FSD1L: variants seen among roughly 807,000 people sequenced by gnomAD.
FSD1L encodes FSD1-like protein.
FSD1L carries 45 observed loss-of-function variants against 71.6 expected under a neutral mutation model. The ratio of observed to expected loss-of-function variants is 0.63; its 90% confidence interval spans 0.49 to 0.81. The LOEUF is 0.81. Among genes scored for constraint, FSD1L ranks in the 30% least tolerant of loss-of-function variants. FSD1L has a pLI of 0.00. For missense variants in FSD1L, 561 were observed against 618.1 expected (o/e 0.91, Z 0.98); for synonymous variants, 197 against 207.2 (o/e 0.95, Z 0.42).
upstream of FSD1L, chr9:105,447,834 T>C (rs1420289355): frequency 3.1e-6 from 1 of 321,336 alleles, no homozygotes; most frequent in Non-Finnish European, 5.7e-6. Context: ...GGCTGCTGGA[T>C]GCCCAGTGGC....
Position 105,479,360 on chromosome 9 carries a change from A to G in FSD1L, c.448A>G (p.Arg150Gly). The G allele has an allele frequency of 6.4e-7, 1 of 1,550,732 alleles. No homozygotes were observed. Among genetic ancestry groups the G allele is most frequent in the Non-Finnish European group, 8.7e-7 (1 of 1,146,328 alleles). Residue 150 changes from arginine to glycine, a missense_variant, in exon 6 of 14, where the codon AGA becomes GGA. Around this residue, in one of 3 missense-constraint regions of FSD1L, gnomAD observed 410 missense variants for 413.5 expected, o/e 0.99. Transcript: ENST00000481272. ...KEPEEFSKAA[R>G]QIKDRVTMAS... ...CTCCCTGATTGGCTCCAAGGCTGCC[A>G]GACAGATCAAGGATAGGTATGGTAT...
intron 10 of FSD1L, among the ~76,000 whole-genome samples, chr9:105,527,743 G>A (rs1029579583): frequency 6.6e-6 from 1 of 151,622 alleles, no homozygotes; most frequent in Non-Finnish European, 1.5e-5. Context: ...ACAAGACAAG[G>A]ATGCCCTCTC....
chr9:105,468,089 CA>C, intron 3 of FSD1L, 103 bp from the exon 4 acceptor site: 1 of 766,168 alleles, frequency 1.3e-6, no homozygotes, highest in Non-Finnish European at 1.9e-6. Context: ...ATTAGGCCAA[CA>C]TAGTTTGTAA....
chr9:105,504,229 T>C (rs1262895811), intron 7 of FSD1L, among the ~76,000 whole-genome samples: 1 of 152,254 alleles, frequency 6.6e-6, no homozygotes, highest in Non-Finnish European at 1.5e-5. Context: ...ACAATTCTTA[T>C]GTTTCAGTAG....
chr9:105,460,987 A>G (rs575610317), intron 1 of FSD1L, among the ~76,000 whole-genome samples: 1 of 152,368 alleles, frequency 6.6e-6, no homozygotes, highest in South Asian at 2.1e-4. Context: ...AAACTGAGAA[A>G]TGAGTGAAAT....
At chr9:105,545,936 G>A (rs1836971162) in intron 13 of FSD1L, among the ~76,000 whole-genome samples, 1 of 151,992 alleles carries the variant, frequency 6.6e-6, no homozygotes, top group South Asian at 2.1e-4. Flanking sequence ...GTTAACTGAG[G>A]GGTGTTAGAT....
At chr9:105,523,989 AACTTAT>A in intron 10 of FSD1L, 1 of 1,597,860 alleles carries the variant, frequency 6.3e-7, no homozygotes, top group Non-Finnish European at 8.6e-7. Context: ...TTGCTTTCCC[AACTTAT>A]ATTGTGAACT....
rs78181986 is a variant in FSD1L at position 105,477,299 on chromosome 9, A to G, written c.442-2055A>G. ...CAAAAAAAAACTGATAAGAGGCCAA[A>G]TAATGATAAAAGCATATTGGAAAAG... On this transcript the variant is annotated intron_variant, in intron 5 of 13. Transcript: ENST00000481272. 9.1e-3 allele frequency among the ~76,000 whole-genome samples: 1,379 copies of G among 152,348 alleles called. 22 individuals carry two copies. The highest frequency in any genetic ancestry group is 0.032 in the African/African-American group (1,322 of 41,568).
At chr9:105,537,958 C>A (rs145336064) in intron 12 of FSD1L, among the ~76,000 whole-genome samples, 5 of 152,266 alleles carry the variant, frequency 3.3e-5, no homozygotes, top group African/African-American at 1.2e-4. Flanking sequence ...AAATACAGAT[C>A]AGCTGAGGAC....
chr9:105,478,729 A>G (rs1831977607), intron 5 of FSD1L, among the ~76,000 whole-genome samples: 1 of 152,152 alleles, frequency 6.6e-6, no homozygotes, highest in East Asian at 1.9e-4. Context: ...GTATGAAATC[A>G]TCATGGAGAA....
intron 10 of FSD1L, chr9:105,525,285 T>C: frequency 1.9e-6 from 3 of 1,607,932 alleles, no homozygotes; most frequent in South Asian, 1.1e-5. Context: ...ATGAAGAAGA[T>C]GCTCTTGATG....
chr9:105,546,661 A>T lies in FSD1L; in HGVS notation c.*178A>T, dbSNP rs1837025446. 2.2e-6 allele frequency: 1 copy of T among 447,414 alleles called. No homozygotes were observed. The highest frequency in any genetic ancestry group is 3.7e-5 in the East Asian group (1 of 26,798). The allele number at this position is 447,414 out of a possible 1,614,324, so 27.7% of individuals were successfully genotyped here. On this transcript the variant is annotated 3_prime_UTR_variant, in exon 14 of 14. Transcript: ENST00000481272. ...CATTTGCAGGAACCTACTGTGCAGT[A>T]TCATAGAAGCAAGCAGATACCAAGC...
chr9:105,535,006 G>A, intron 11 of FSD1L, 61 bp from the exon 12 acceptor site: 1 of 1,524,914 alleles, frequency 6.6e-7, no homozygotes, highest in South Asian at 1.2e-5. Flanking sequence ...CGAGTGGTAG[G>A]TAAAACTGTG....
rs1426655786 is a variant in FSD1L at position 105,452,668 on chromosome 9, TG to T, written c.15+4434del. Among the ~76,000 whole-genome samples the T allele has an allele frequency of 3.8e-3, 470 of 123,490 alleles. 3 individuals carry two copies. The highest frequency in any genetic ancestry group is 7.1e-3 in the Admixed American group (83 of 11,648). 81.0% of individuals were successfully genotyped at this position (123,490 alleles called of 152,430 possible). ...CTGCCTGCCTGCCTGCCTGCCTGCC[TG>T]CCTTCCTTCCTTCCTTCCTTCCTTC... is the stretch of plus-strand genomic sequence containing the variant. On this transcript the variant is annotated intron_variant, in intron 1 of 13. Transcript: ENST00000481272.
intron 13 of FSD1L, among the ~76,000 whole-genome samples, chr9:105,543,243 C>G (rs1188909074): frequency 6.6e-6 from 1 of 152,000 alleles, no homozygotes; most frequent in Admixed American, 6.6e-5. Context: ...GGTGATGATA[C>G]TTAAACAACT....
rs61996263 is a variant in FSD1L, at chr9:105,506,415, G to C, written c.603G>C (p.Glu201Asp). ...TCTTTGCAGTCCCCAAAGCTCCAGA[G>C]ATAGATCCAGTAGAGTGTTTGGTGG... ...LKFLPVPKAP[E>D]IDPVECLVAD... Residue 201 changes from glutamate to aspartate, a missense_variant, in exon 8 of 14, where the codon GAG (glutamate) becomes GAC (aspartate). By Grantham distance (45) the Glu-to-Asp change is conservative. Around this residue, in one of 3 missense-constraint regions of FSD1L, gnomAD observed 410 missense variants for 413.5 expected, o/e 0.99. Transcript: ENST00000481272. The C allele has an allele frequency of 1.3e-6, 2 of 1,550,594 alleles. No homozygotes were observed. The highest frequency in any genetic ancestry group is 2.4e-5 in the South Asian group (2 of 83,974).
At chr9:105,470,747 A>G (rs1831399864) in intron 4 of FSD1L, among the ~76,000 whole-genome samples, 4 of 152,100 alleles carry the variant, frequency 2.6e-5, no homozygotes, top group Admixed American at 2.6e-4. Context: ...TTTGTTGTTC[A>G]TATTTGGGGG....
intron 13 of FSD1L, among the ~76,000 whole-genome samples, chr9:105,543,953 T>A (rs1315188853): frequency 6.6e-6 from 1 of 152,230 alleles, no homozygotes; most frequent in Non-Finnish European, 1.5e-5. Context: ...CACCCAGTAA[T>A]GGGATGGCTG....
At position 105,501,049 on chromosome 9, in the gene FSD1L, T is replaced by C. The variant is rs1163646730; in HGVS notation, c.587-5350T>C. ...AAGGGAATCCATTCATCAGAAGATA[T>C]TGACCAGTGCTTCTCAAACTTTAAA... On this transcript the variant is annotated intron_variant, in intron 7 of 13. Coordinates refer to ENST00000481272, the MANE Select transcript of FSD1L (RefSeq NM_001145313.3). Among the ~76,000 whole-genome samples, 8 of 152,216 alleles carry C rather than the reference T, an allele frequency of 5.3e-5. No homozygotes were observed. The East Asian group carries it at 1.2e-3, about 22-fold the overall frequency.
Sources: gnomAD v4.1 joint callset for allele counts (sites outside exome capture counted in the v4.1 genomes callset) on GRCh38, gnomAD v4.1.1 for gene constraint, gnomAD v4.1.1 regional missense constraint, MANE v1.5 for transcripts, NCBI Gene and HGNC (gene_info 2026-07-23, HGNC 2026-07-21) for gene names.